Variants in SIRT3 observed in about 807,000 individuals in gnomAD.
The protein encoded by SIRT3 is sirtuin 3.
SIRT3 carries 26 observed loss-of-function variants against 33.5 expected under a neutral mutation model. The observed-to-expected ratio is 0.78, with a 90% CI of 0.57 to 1.08. SIRT3 has a LOEUF of 1.08. Among genes scored for constraint, SIRT3 ranks in the 50% least tolerant of loss-of-function variants. The probability of loss-of-function intolerance (pLI) is 0.00; values close to 1 mark genes in which losing one functional copy is unlikely to be tolerated. For missense variants in SIRT3, 585 were observed against 530.1 expected (o/e 1.10, Z -1.02); for synonymous variants, 237 against 222.1 (o/e 1.07, Z -0.60).
chr11:228,683 C>T (rs1288601867), intron 4 of SIRT3, among the ~76,000 whole-genome samples: 1 of 152,074 alleles, frequency 6.6e-6, no homozygotes, highest in Non-Finnish European at 1.5e-5. Context: ...AGGAGTAAAA[C>T]AATACCATTT....
chr11:233,287 G>T, intron 2 of SIRT3, 56 bp downstream of exon 2: 1 of 1,600,264 alleles, frequency 6.2e-7, no homozygotes, highest in Non-Finnish European at 8.5e-7. Context: ...GGGCAGTGGG[G>T]AGGGCAGGAG....
At position 219,017 on chromosome 11, in the gene SIRT3, C is replaced by T; in HGVS notation, c.994G>A (p.Glu332Lys). 9.9e-6 allele frequency: 16 copies of T among 1,613,686 alleles called. No individual in the cohort carries two copies. Among genetic ancestry groups the T allele is most frequent in the Non-Finnish European group, 1.4e-5 (16 of 1,179,918 alleles). ...CGGGGAACTGAGCTCCGCACGGCCTCGGTCAAGCTGGCAAAAGGCTCCACC... is the reference window on the plus strand; with the variant it reads ...CGGGGAACTGAGCTCCGCACGGCCTTGGTCAAGCTGGCAAAAGGCTCCACC... The part of the protein sequence containing the change: ...LEVEPFASLT[E>K]AVRSSVPRLL... The change falls in exon 6 of 7, where the codon GAG (glutamate) becomes AAG (lysine). Residue 332 changes from glutamate to lysine, a missense_variant. Glu to Lys is a moderately conservative substitution (Grantham distance 56). Coordinates refer to ENST00000382743, the MANE Select transcript of SIRT3 (RefSeq NM_012239.6).
At position 218,751 on chromosome 11, in the gene SIRT3, C is replaced by T. The variant is rs186147188; in HGVS notation, c.1179+81G>A. ...CTATTACTGTTACTGTGTTAACCAA[C>T]GGGGCTCCATATCAGGTGGACCATA... On this transcript the variant is annotated intron_variant, in intron 6 of 6. Transcript: ENST00000382743. 1.3e-3 allele frequency: 2,032 copies of T among 1,601,976 alleles called. 4 individuals carry two copies. Among genetic ancestry groups the T allele is most frequent in the Non-Finnish European group, 1.4e-3 (1,691 of 1,173,902 alleles).
intron 4 of SIRT3, among the ~76,000 whole-genome samples, chr11:229,148 T>C (rs986773854): frequency 6.6e-6 from 1 of 152,204 alleles, no homozygotes; most frequent in African/African-American, 2.4e-5. Context: ...TAACAGTATA[T>C]TCGTTCCTCA....
chr11:225,781 C>T (rs1857102530), intron 4 of SIRT3: 1 of 152,168 alleles, frequency 6.6e-6, no homozygotes, highest in African/African-American at 2.4e-5. Context: ...AAGAGAGGGG[C>T]CAGATAGTGG....
intron 3 of SIRT3, among the ~76,000 whole-genome samples, chr11:230,862 A>T (rs10902109): frequency 6.6e-6 from 1 of 152,122 alleles, no homozygotes; most frequent in Non-Finnish European, 1.5e-5. Context: ...AGTGGCCCAC[A>T]CCTGTAATCC....
At chr11:216,818 A>G in intron 6 of SIRT3, 100 bp from the exon 7 acceptor site, 1 of 1,291,102 alleles carries the variant, frequency 7.7e-7, no homozygotes. Context: ...CATGCAAAAT[A>G]TTTCACAAAA....
chr11:216,738 G>T lies in SIRT3; in HGVS notation c.1180-20C>A, dbSNP rs181267260. On this transcript the variant is annotated intron_variant, in intron 6 of 6. Transcript: ENST00000382743. ...ATCAAGCTGGAATACAGAAGACAGAGGGTATCAGCTATCTGTTTACACACC... is the reference window on the plus strand; with the variant it reads ...ATCAAGCTGGAATACAGAAGACAGATGGTATCAGCTATCTGTTTACACACC... The T allele has an allele frequency of 4.2e-5, 67 of 1,613,874 alleles. No individual in the cohort carries two copies. The East Asian group carries it at 1.5e-3, about 35-fold the overall frequency.
intron 4 of SIRT3, among the ~76,000 whole-genome samples, chr11:228,371 T>C (rs1038792566): frequency 6.6e-6 from 1 of 152,218 alleles, no homozygotes; most frequent in Non-Finnish European, 1.5e-5. Flanking sequence ...CACTTCCTAA[T>C]TTCAAAACTT....
rs1338456442 is a variant in SIRT3 at position 218,940 on chromosome 11, G to A, written c.1071C>T (p.Ser357=). 4 of 1,614,178 alleles carry A rather than the reference G, an allele frequency of 2.5e-6. No individual in the cohort carries two copies. The highest frequency in any genetic ancestry group is 2.2e-5 in the East Asian group (1 of 44,882). The change falls in exon 6 of 7, where the codon AGC becomes AGT. Residue 357 remains serine (S), a synonymous_variant. Transcript: ENST00000382743. ...LVGPLAWHPR[S]RDVAQLGDVV... ...CGTCCCCCAGCTGGGCCACGTCCCT[G>A]CTGCGAGGATGCCAAGCCAAGGGCC...
chr11:224,516 C>T (rs1347143644), intron 4 of SIRT3, among the ~76,000 whole-genome samples: 4 of 152,228 alleles, frequency 2.6e-5, no homozygotes, highest in Non-Finnish European at 2.9e-5. Context: ...TCTAGCGTAT[C>T]TAACACCATG....
Position 236,336 on chromosome 11 carries a change from G to C in SIRT3, c.-8C>G, listed in dbSNP as rs201683389. Reference sequence around the variant, plus strand: ...CCAACCCCAGAACGCCATGTTCCGCGCAGTCCAAGGAGTCCTCCGGACTCG... The same window carrying C: ...CCAACCCCAGAACGCCATGTTCCGCCCAGTCCAAGGAGTCCTCCGGACTCG... On this transcript the variant is annotated 5_prime_UTR_variant, in exon 1 of 7. Transcript: ENST00000382743. 6.2e-5 allele frequency: 85 copies of C among 1,371,106 alleles called. No individual in the cohort carries two copies. The highest frequency in any genetic ancestry group is 7.4e-5 in the Non-Finnish European group (79 of 1,065,482). 84.9% of individuals were successfully genotyped at this position (1,371,106 alleles called of 1,614,324 possible).
intron 5 of SIRT3, among the ~76,000 whole-genome samples, chr11:220,146 A>G (rs1038950699): frequency 6.6e-6 from 1 of 152,074 alleles, no homozygotes; most frequent in African/African-American, 2.4e-5. Flanking sequence ...CCTGGCCAAC[A>G]TAGTGAAACC....
intron 3 of SIRT3, 93 bp downstream of exon 3, chr11:232,888 CCT>C (rs1172674748): frequency 1.1e-5 from 13 of 1,198,136 alleles, no homozygotes; most frequent in Middle Eastern, 2.8e-4. Flanking sequence ...CCGAGCATCC[CCT>C]GTGAGAAACA....
chr11:236,848 G>C, upstream of SIRT3: 2 of 595,208 alleles, frequency 3.4e-6, no homozygotes, highest in Non-Finnish European at 6.0e-6. Context: ...CGGGAAGTGG[G>C]CTGCAAACGC....
intron 3 of SIRT3, among the ~76,000 whole-genome samples, chr11:232,568 A>G (rs1858212904): frequency 6.6e-6 from 1 of 152,194 alleles, no homozygotes; most frequent in Non-Finnish European, 1.5e-5. Flanking sequence ...CGCAGGAAGA[A>G]CTGGCTGTGT....
intron 1 of SIRT3, among the ~76,000 whole-genome samples, chr11:235,089 G>A (rs1858772859): frequency 1.3e-5 from 2 of 151,748 alleles, no homozygotes; most frequent in Non-Finnish European, 2.9e-5. Flanking sequence ...TGTTGGCCCA[G>A]CTGGTCTCGA....
In SIRT3 at chr11:231,956, T is replaced by G. The variant is rs373967282; in HGVS notation, c.706+1027A>C. On this transcript the variant is annotated intron_variant, in intron 3 of 6. Coordinates refer to ENST00000382743, the MANE Select transcript of SIRT3 (RefSeq NM_012239.6). ...GGCCCCACCAAGTGCTTCCGTTAGG[T>G]GCACGGCCAGAAGTTGGCACAACCT... Among the ~76,000 whole-genome samples the G allele has an allele frequency of 1.5e-4, 19 of 124,790 alleles. 2 individuals are homozygous for G. The South Asian group carries it at 6.2e-3, about 41-fold the overall frequency. 81.9% of individuals were successfully genotyped at this position (124,790 alleles called of 152,430 possible).
chr11:219,070 C>A, intron 5 of SIRT3, 29 bp from the exon 6 acceptor site: 2 of 1,585,434 alleles, frequency 1.3e-6, no homozygotes, highest in Non-Finnish European at 1.7e-6. Flanking sequence ...GTGAGGGGCA[C>A]AGTGTCCACT....
Sources: gnomAD v4.1 joint callset for allele counts (sites outside exome capture counted in the v4.1 genomes callset) on GRCh38, gnomAD v4.1.1 for gene constraint, MANE v1.5 for transcripts, NCBI Gene and HGNC (gene_info 2026-07-23, HGNC 2026-07-21) for gene names.